Variants in NAA11 observed in about 807,000 individuals in gnomAD.
The protein encoded by NAA11 is N-alpha-acetyltransferase 11.
In NAA11, 15 loss-of-function variants were observed where a neutral mutation model predicts 16.1. The ratio of observed to expected loss-of-function variants is 0.93; its 90% CI spans 0.62 to 1.44. NAA11 has a LOEUF of 1.44. Ranked by LOEUF, NAA11 falls within the 40% of genes most tolerant of loss-of-function variation. NAA11 has a pLI of 0.00. For synonymous variants in NAA11, 122 were observed against 112.4 expected, an observed-to-expected ratio of 1.09 and a Z score of -0.54; for missense variants, 298 against 291.3, an observed-to-expected ratio of 1.02 and a Z score of -0.17.
chr4:79,314,027 T>C (rs1011444564), downstream of NAA11, among the ~76,000 whole-genome samples: 3 of 152,184 alleles, frequency 2.0e-5, no homozygotes, highest in African/African-American at 7.2e-5. Context: ...TGCCAAGTTG[T>C]AGCTATTGTT....
chr4:79,291,597 G>A (rs533392758), intron 2 of NAA11, among the ~76,000 whole-genome samples: 9 of 152,162 alleles, frequency 5.9e-5, no homozygotes, highest in African/African-American at 1.9e-4. Flanking sequence ...GGTGGTGCAT[G>A]CCTGTAATCC....
downstream of NAA11, among the ~76,000 whole-genome samples, chr4:79,220,979 C>T (rs564995634): frequency 4.2e-3 from 636 of 151,802 alleles, 4 homozygotes; most frequent in Non-Finnish European, 6.0e-3. Flanking sequence ...TGGCCATTTT[C>T]ACGATATTGA....
At chr4:79,175,014 G>A in the NAA11 span, among the ~76,000 whole-genome samples, 1 of 152,114 alleles carries the variant, frequency 6.6e-6, no homozygotes, top group African/African-American at 2.4e-5. Flanking sequence ...GTAAGTCCTG[G>A]CAGATAATCC....
chr4:79,301,045 G>A (rs74584614), intron 1 of NAA11, among the ~76,000 whole-genome samples: 145 of 152,260 alleles, frequency 9.5e-4, no homozygotes, highest in African/African-American at 3.4e-3. Flanking sequence ...TATTAGCTAT[G>A]TCACCTTAAA....
At chr4:79,227,403 T>A (rs1410888803) in intron 2 of NAA11, 1 of 151,844 alleles carries the variant, frequency 6.6e-6, no homozygotes, top group South Asian at 2.1e-4. Flanking sequence ...AACAGACACA[T>A]GAAAAAATGC....
At chr4:79,282,650 G>A (rs1393364300) in intron 2 of NAA11, among the ~76,000 whole-genome samples, 1 of 152,076 alleles carries the variant, frequency 6.6e-6, no homozygotes, top group Non-Finnish European at 1.5e-5. Context: ...AGGAAGATAA[G>A]TTTTGCAAAT....
At chr4:79,289,705 A>C (rs1723036594) in intron 2 of NAA11, among the ~76,000 whole-genome samples, 1 of 152,198 alleles carries the variant, frequency 6.6e-6, no homozygotes, top group African/African-American at 2.4e-5. Flanking sequence ...AAGGATCATA[A>C]ATTTGTAGTT....
At chr4:79,273,045 G>A (rs921217332) in intron 2 of NAA11, among the ~76,000 whole-genome samples, 2 of 151,852 alleles carry the variant, frequency 1.3e-5, no homozygotes, top group Non-Finnish European at 2.9e-5. Flanking sequence ...TCCAAAAGAG[G>A]AAAAATAGAA....
downstream of NAA11, among the ~76,000 whole-genome samples, chr4:79,225,294 T>C (rs1177356230): frequency 6.6e-6 from 1 of 152,034 alleles, no homozygotes; most frequent in African/African-American, 2.4e-5. Flanking sequence ...GGTTGGGGGC[T>C]GGACCTTGCA....
chr4:79,204,599 T>C, the NAA11 span, among the ~76,000 whole-genome samples: 1 of 148,764 alleles, frequency 6.7e-6, no homozygotes, highest in Non-Finnish European at 1.5e-5. Context: ...TTTAGGTGTA[T>C]AAGTGGTTTT....
the NAA11 span, among the ~76,000 whole-genome samples, chr4:79,192,431 A>G: frequency 4.1e-5 from 5 of 123,148 alleles, no homozygotes; most frequent in Admixed American, 1.1e-4. Flanking sequence ...TCCTGTGTCC[A>G]TGTGTTCTCA....
chr4:79,276,743 A>T (rs1307316928), intron 2 of NAA11, among the ~76,000 whole-genome samples: 1 of 152,118 alleles, frequency 6.6e-6, no homozygotes, highest in African/African-American at 2.4e-5. Flanking sequence ...AAAAATAAAC[A>T]TCATAAAGCG....
the NAA11 span, among the ~76,000 whole-genome samples, chr4:79,181,382 C>T: frequency 6.6e-6 from 1 of 152,156 alleles, no homozygotes; most frequent in Admixed American, 6.5e-5. Flanking sequence ...GTGGGCGTGG[C>T]TCAGTCTAGG....
chr4:79,272,627 T>C lies in NAA11; in HGVS notation c.*122+21378A>G, dbSNP rs1268843235. Among the ~76,000 whole-genome samples, 38 of 152,064 alleles carry C rather than the reference T, an allele frequency of 2.5e-4. 1 individual carries two copies. Among genetic ancestry groups the C allele is most frequent in the Non-Finnish European group, 5.9e-5 (4 of 67,976 alleles). Reference sequence around the variant, plus strand: ...ATGATATTTAGGGTATGAATTATGATTTAGTAAAGAGGTTTTTATCTCAGG... The same window carrying C: ...ATGATATTTAGGGTATGAATTATGACTTAGTAAAGAGGTTTTTATCTCAGG... On this transcript the variant is annotated intron_variant and NMD_transcript_variant, in intron 2 of 2. Coordinates refer to the NAA11 transcript ENST00000511542.
At chr4:79,247,164 T>C (rs1649256758) in intron 2 of NAA11, among the ~76,000 whole-genome samples, 1 of 152,184 alleles carries the variant, frequency 6.6e-6, no homozygotes, top group Non-Finnish European at 1.5e-5. Flanking sequence ...GGATTTGGAA[T>C]AATTGTTGAA....
the NAA11 span, among the ~76,000 whole-genome samples, chr4:79,186,094 G>A: frequency 6.6e-6 from 1 of 152,076 alleles, no homozygotes; most frequent in East Asian, 1.9e-4. Flanking sequence ...GTTGAATATG[G>A]TCTATGTGGA....
chr4:79,318,437 A>C (rs1723993174), intron 1 of NAA11, among the ~76,000 whole-genome samples: 2 of 152,180 alleles, frequency 1.3e-5, no homozygotes, highest in Non-Finnish European at 1.5e-5. Flanking sequence ...TTATATGGGT[A>C]ATTTGAGAGG....
chr4:79,189,302 C>G, the NAA11 span, among the ~76,000 whole-genome samples: 89 of 151,946 alleles, frequency 5.9e-4, 2 homozygotes, highest in East Asian at 0.011. Flanking sequence ...TCCAAAGGGT[C>G]TAATGGATTG....
At chr4:79,243,777 C>A (rs902139935) in intron 2 of NAA11, among the ~76,000 whole-genome samples, 1 of 152,080 alleles carries the variant, frequency 6.6e-6, no homozygotes. Context: ...TTTAAAAGGC[C>A]TTAGAACAGG....
Sources: gnomAD v4.1 joint callset for allele counts (sites outside exome capture counted in the v4.1 genomes callset) on GRCh38, gnomAD v4.1.1 for gene constraint, MANE v1.5 for transcripts, NCBI Gene and HGNC (gene_info 2026-07-23, HGNC 2026-07-21) for gene names.